KHDRBS3: variants seen among roughly 807,000 people sequenced by gnomAD.
The protein encoded by KHDRBS3 is KH domain-containing, RNA-binding, signal transduction-associated protein 3.
Under a neutral mutation model 45.6 loss-of-function variants are expected in KHDRBS3, and 23 were observed. That is an observed-to-expected ratio of 0.50 (90% confidence interval 0.36 to 0.72). The LOEUF (loss-of-function observed/expected upper bound fraction) is 0.72, where lower values mean the gene tolerates loss of function less well. Ranked by LOEUF, KHDRBS3 falls within the 30% of genes least tolerant of loss-of-function variation. KHDRBS3 has a pLI of 0.00. For synonymous variants in KHDRBS3, 162 were observed against 156.5 expected (o/e 1.04, Z -0.26); for missense variants, 352 against 424.8 (o/e 0.83, Z 1.51).
intron 1 of KHDRBS3, among the ~76,000 whole-genome samples, chr8:135,473,456 G>A (rs1354348881): frequency 6.6e-6 from 1 of 152,180 alleles, no homozygotes; most frequent in East Asian, 1.9e-4. Flanking sequence ...GTTGCTTGAT[G>A]AGGGTCTAGG....
chr8:135,605,760 G>A (rs544172002), intron 6 of KHDRBS3, among the ~76,000 whole-genome samples: 1 of 152,094 alleles, frequency 6.6e-6, no homozygotes, highest in Admixed American at 6.5e-5. Flanking sequence ...ATTCAAATAT[G>A]TGTTGTTCAA....
At chr8:135,626,857 A>T (rs1208945185) in intron 7 of KHDRBS3, among the ~76,000 whole-genome samples, 1 of 144,788 alleles carries the variant, frequency 6.9e-6, no homozygotes, top group African/African-American at 2.4e-5. Flanking sequence ...AGTTCTCATA[A>T]GGAAAACATT....
chr8:135,566,722 C>T (rs569383185), intron 5 of KHDRBS3, among the ~76,000 whole-genome samples: 7 of 152,074 alleles, frequency 4.6e-5, no homozygotes, highest in Admixed American at 2.6e-4. Flanking sequence ...AAAAATCAGC[C>T]GAGTGTGGTG....
At chr8:135,623,625 G>GA (rs1830240970) in intron 7 of KHDRBS3, among the ~76,000 whole-genome samples, 1 of 149,866 alleles carries the variant, frequency 6.7e-6, no homozygotes. Flanking sequence ...GTTTAAAGTA[G>GA]AAAAAACCCT....
At chr8:135,578,088 T>G (rs887891970) in intron 5 of KHDRBS3, among the ~76,000 whole-genome samples, 2 of 152,168 alleles carry the variant, frequency 1.3e-5, no homozygotes, top group Admixed American at 6.5e-5. Context: ...GTCATTTGCT[T>G]TCTTATTGTT....
At chr8:135,470,115 G>C (rs1821936814) in intron 1 of KHDRBS3, among the ~76,000 whole-genome samples, 1 of 152,160 alleles carries the variant, frequency 6.6e-6, no homozygotes, top group Non-Finnish European at 1.5e-5. Context: ...GAAGCAGCAT[G>C]AGGTTCTGCT....
chr8:135,495,831 G>C (rs1229273319), intron 1 of KHDRBS3, among the ~76,000 whole-genome samples: 1 of 152,144 alleles, frequency 6.6e-6, no homozygotes, highest in Non-Finnish European at 1.5e-5. Context: ...TGTGTAGGAA[G>C]AGCCGATCTT....
intron 1 of KHDRBS3, among the ~76,000 whole-genome samples, chr8:135,490,759 A>G (rs1375247354): frequency 6.6e-6 from 1 of 152,204 alleles, no homozygotes; most frequent in Non-Finnish European, 1.5e-5. Context: ...GATTAAAGGG[A>G]TAAGACAAAG....
intron 5 of KHDRBS3, among the ~76,000 whole-genome samples, chr8:135,571,738 T>C (rs1827712899): frequency 6.6e-6 from 1 of 152,018 alleles, no homozygotes; most frequent in Non-Finnish European, 1.5e-5. Context: ...GGCTGGGGAT[T>C]AGAGTTGGGG....
intron 4 of KHDRBS3, among the ~76,000 whole-genome samples, chr8:135,556,890 G>A (rs1010422458): frequency 1.3e-5 from 2 of 152,154 alleles, no homozygotes; most frequent in East Asian, 1.9e-4. Flanking sequence ...ATAAGATTAT[G>A]TGTTCAATTC....
chr8:135,473,425 C>G (rs949994180), intron 1 of KHDRBS3, among the ~76,000 whole-genome samples: 2 of 152,178 alleles, frequency 1.3e-5, no homozygotes, highest in African/African-American at 4.8e-5. Context: ...CTTAGATCTT[C>G]ATGTCCTGAA....
chr8:135,651,192 T>C (rs1376550131), downstream of KHDRBS3, among the ~76,000 whole-genome samples: 1 of 152,074 alleles, frequency 6.6e-6, no homozygotes, highest in Non-Finnish European at 1.5e-5. Flanking sequence ...ATACTTCCGC[T>C]CTGCCCTTCA....
At chr8:135,593,509 G>A (rs1460853929) in intron 6 of KHDRBS3, 1 of 152,328 alleles carries the variant, frequency 6.6e-6, no homozygotes, top group Non-Finnish European at 1.5e-5. Context: ...ACAGGGTCTT[G>A]TTCTGTCACC....
At chr8:135,629,009 T>TGTGAACC (rs1345820335) in intron 7 of KHDRBS3, among the ~76,000 whole-genome samples, 1 of 152,238 alleles carries the variant, frequency 6.6e-6, no homozygotes, top group Non-Finnish European at 1.5e-5. Context: ...GGCCAGTGGT[T>TGTGAACC]GGGCCACATG....
Position 135,457,975 on chromosome 8 carries a change from TGCCGGCCGGCGGCGGTTGGGG to T in KHDRBS3, c.88+27_88+47del. 1 of 1,572,360 alleles carries T rather than the reference TGCCGGCCGGCGGCGGTTGGGG, an allele frequency of 6.4e-7. No homozygotes were observed. The highest frequency in any genetic ancestry group is 8.6e-7 in the Non-Finnish European group (1 of 1,160,454). The stretch of plus-strand genomic sequence containing the variant: ...CCAAGGTGAGGCGCCGGCCGTTAAC[TGCCGGCCGGCGGCGGTTGGGG>T]GCCGGGTGGAAACGCGGGGGCCCAG... On this transcript the variant is annotated intron_variant, in intron 1 of 8. Transcript: ENST00000355849. This position sits in a 1 kb window ranked among gnomAD's most constrained non-coding sequence, Gnocchi z 4.4.
At chr8:135,474,867 A>G (rs1180516168) in intron 1 of KHDRBS3, among the ~76,000 whole-genome samples, 2 of 152,140 alleles carry the variant, frequency 1.3e-5, no homozygotes, top group Non-Finnish European at 2.9e-5. Flanking sequence ...GGCTCATGTT[A>G]CGGTGTGGGC....
At chr8:135,592,504 T>C (rs1287277769) in intron 6 of KHDRBS3, among the ~76,000 whole-genome samples, 1 of 152,212 alleles carries the variant, frequency 6.6e-6, no homozygotes, top group East Asian at 1.9e-4. Flanking sequence ...TTTGTTATAA[T>C]GGACTATCTG....
At chr8:135,522,928 G>C (rs990600520) in intron 2 of KHDRBS3, among the ~76,000 whole-genome samples, 3 of 152,098 alleles carry the variant, frequency 2.0e-5, no homozygotes, top group African/African-American at 7.2e-5. Flanking sequence ...TCCCTCCACT[G>C]ATTGTTTTGG....
chr8:135,600,781 C>T (rs1473277906), intron 6 of KHDRBS3, among the ~76,000 whole-genome samples: 1 of 152,194 alleles, frequency 6.6e-6, no homozygotes, highest in Non-Finnish European at 1.5e-5. Context: ...GGTCTGCAGC[C>T]TCCGCCTCCC....
Sources: gnomAD v4.1 joint callset for allele counts (sites outside exome capture counted in the v4.1 genomes callset) on GRCh38, gnomAD v4.1.1 for gene constraint, Gnocchi (gnomAD v3.1) non-coding constraint, MANE v1.5 for transcripts, NCBI Gene and HGNC (gene_info 2026-07-23, HGNC 2026-07-21) for gene names.